ALK: variants seen among roughly 807,000 people sequenced by gnomAD.
ALK encodes the protein ALK receptor tyrosine kinase, also known as ALK tyrosine kinase receptor.
A neutral mutation model predicts 163.1 loss-of-function variants in ALK; 74 were observed. The ratio of observed to expected loss-of-function variants is 0.45; its 90% CI spans 0.38 to 0.55. ALK has a LOEUF of 0.55. Ranked by LOEUF, ALK falls within the 20% of genes least tolerant of loss-of-function variation. ALK has a pLI of 0.00. For missense variants in ALK, 2,063 were observed against 2,105.3 expected (o/e 0.98, Z 0.39); for synonymous variants, 960 against 843.2 (o/e 1.14, Z -2.40).
chr2:29,759,385 T>C (rs13427796), intron 1 of ALK, among the ~76,000 whole-genome samples: 2,715 of 152,252 alleles, frequency 0.018, 97 homozygotes, highest in African/African-American at 0.062. Context: ...CTAAGGAAGT[T>C]TGAGAGAAAT....
At chr2:29,671,297 G>T (rs901092254) in intron 3 of ALK, among the ~76,000 whole-genome samples, 1 of 152,076 alleles carries the variant, frequency 6.6e-6, no homozygotes, top group African/African-American at 2.4e-5. Flanking sequence ...ACCCAGTAGT[G>T]TGGGAAGGCT....
Position 29,219,073 on chromosome 2 carries a change from G to A in ALK, c.3645+1633C>T, listed in dbSNP as rs538684523. On this transcript the variant is annotated intron_variant, in intron 23 of 28. Transcript: ENST00000389048. ...TTCCTGTGTGGCCATGGCAAGTCCCGTAATCTCTCTGGGCCACCGTTTTCT... is the reference window on the plus strand; with the variant it reads ...TTCCTGTGTGGCCATGGCAAGTCCCATAATCTCTCTGGGCCACCGTTTTCT... Among the ~76,000 whole-genome samples, 4 of 152,308 alleles carry A rather than the reference G, an allele frequency of 2.6e-5. No homozygotes were observed. The East Asian group carries it at 5.8e-4, about 22-fold the overall frequency.
chr2:29,523,345 C>T (rs1161991592), intron 4 of ALK, among the ~76,000 whole-genome samples: 1 of 152,178 alleles, frequency 6.6e-6, no homozygotes, highest in African/African-American at 2.4e-5. Flanking sequence ...GCACCCATTA[C>T]ACCCCTTTCC....
At chr2:29,279,703 T>C (rs13399141) in intron 9 of ALK, among the ~76,000 whole-genome samples, 17,562 of 152,244 alleles carry the variant, frequency 0.12, 1,117 homozygotes, top group African/African-American at 0.16. Context: ...CACCGCTTAC[T>C]GTCTCCTTGC....
Position 29,209,766 on chromosome 2 carries a change from G to T in ALK, c.3836+20C>A. 1 of 1,598,826 alleles carries T rather than the reference G, an allele frequency of 6.3e-7. No individual in the cohort carries two copies. The highest frequency in any genetic ancestry group is 8.6e-7 in the Non-Finnish European group (1 of 1,166,330). On this transcript the variant is annotated intron_variant, in intron 25 of 28. Transcript: ENST00000389048. Reference sequence around the variant, plus strand: ...AGGTGGAAGAGACAGGCCCGGAGGGGTGAGGCAGTCTTTACTCACCTGTAG... The same window carrying T: ...AGGTGGAAGAGACAGGCCCGGAGGGTTGAGGCAGTCTTTACTCACCTGTAG...
chr2:29,773,513 T>C lies in ALK; in HGVS notation c.668-55816A>G, dbSNP rs138396792. On this transcript the variant is annotated intron_variant, in intron 1 of 28. Coordinates refer to ENST00000389048, the MANE Select transcript of ALK (RefSeq NM_004304.5). ...TCGACTGACTTCAGTTTTGGTGAGT[T>C]TCCTCCAAGGACACTGGCACTGATG... is the stretch of plus-strand genomic sequence containing the variant. 1.1e-3 allele frequency among the ~76,000 whole-genome samples: 173 copies of C among 152,316 alleles called. 1 individual carries two copies. Among genetic ancestry groups the C allele is most frequent in the African/African-American group, 4.1e-3 (172 of 41,562 alleles).
At chr2:29,572,893 T>G (rs1573467048) in intron 3 of ALK, among the ~76,000 whole-genome samples, 1 of 152,264 alleles carries the variant, frequency 6.6e-6, no homozygotes. Context: ...ACAGCGGGAT[T>G]GTGGTGGTCC....
At chr2:29,408,578 T>A (rs753245912) in intron 4 of ALK, among the ~76,000 whole-genome samples, 12 of 152,228 alleles carry the variant, frequency 7.9e-5, no homozygotes, top group Non-Finnish European at 1.8e-4. Flanking sequence ...GCATATATTA[T>A]AGGGACTTAT....
intron 1 of ALK, among the ~76,000 whole-genome samples, chr2:29,723,635 C>T (rs1188304157): frequency 6.6e-6 from 1 of 152,202 alleles, no homozygotes; most frequent in Non-Finnish European, 1.5e-5. Context: ...TAAGCACACA[C>T]TCTGCCAAAC....
chr2:29,653,765 A>T (rs1214662181), intron 3 of ALK, among the ~76,000 whole-genome samples: 2 of 152,122 alleles, frequency 1.3e-5, no homozygotes. Flanking sequence ...AAAAAGTAGT[A>T]AAAATCATAT....
chr2:29,251,621 A>G (rs1014761631), intron 11 of ALK, among the ~76,000 whole-genome samples: 2 of 152,206 alleles, frequency 1.3e-5, no homozygotes, highest in African/African-American at 4.8e-5. Context: ...CAGGAAGGGG[A>G]GAAGGCCCCT....
intron 9 of ALK, among the ~76,000 whole-genome samples, chr2:29,296,119 G>A (rs980915088): frequency 1.3e-5 from 2 of 152,322 alleles, no homozygotes; most frequent in African/African-American, 2.4e-5. Context: ...GCAGAGCCAC[G>A]TGGAGTTAAT....
intron 26 of ALK, among the ~76,000 whole-genome samples, chr2:29,200,753 G>GTA (rs60268111): frequency 0.39 from 26,694 of 68,400 alleles, 4,478 homozygotes; most frequent in East Asian, 0.74. Flanking sequence ...ATATATATAC[G>GTA]TATATATGTA....
chr2:29,200,185 TTGG>T (rs1416625496), intron 26 of ALK, among the ~76,000 whole-genome samples: 9 of 152,172 alleles, frequency 5.9e-5, no homozygotes, highest in Admixed American at 5.9e-4. Flanking sequence ...TCCTTTCTGT[TTGG>T]TGATCTTACT....
chr2:29,413,255 G>T (rs1397041238), intron 4 of ALK, among the ~76,000 whole-genome samples: 2 of 152,164 alleles, frequency 1.3e-5, no homozygotes, highest in Non-Finnish European at 2.9e-5. Flanking sequence ...GGGGTAACAT[G>T]GCGTATGTTT....
chr2:29,590,669 C>T (rs1382727156), intron 3 of ALK, among the ~76,000 whole-genome samples: 1 of 152,060 alleles, frequency 6.6e-6, no homozygotes, highest in East Asian at 1.9e-4. Flanking sequence ...GTGATGTTTC[C>T]TCCTTGGAAT....
rs186142300 is a variant in ALK, at chr2:29,241,175, T to C, written c.2205-1345A>G. 9.9e-5 allele frequency among the ~76,000 whole-genome samples: 15 copies of C among 152,196 alleles called. No homozygotes were observed. The East Asian group carries it at 2.9e-3, about 30-fold the overall frequency. Reference sequence around the variant, plus strand: ...GGTGTAAGGCGTTGTGAACCTGAGATAGCTCCAGGCTCTTCAAGAGCTCAC... The same window carrying C: ...GGTGTAAGGCGTTGTGAACCTGAGACAGCTCCAGGCTCTTCAAGAGCTCAC... On this transcript the variant is annotated intron_variant, in intron 12 of 28. Coordinates refer to ENST00000389048, the MANE Select transcript of ALK (RefSeq NM_004304.5).
intron 1 of ALK, among the ~76,000 whole-genome samples, chr2:29,915,365 G>T (rs781503645): frequency 2.0e-5 from 3 of 152,142 alleles, no homozygotes; most frequent in Non-Finnish European, 4.4e-5. Flanking sequence ...GAACTAAGGC[G>T]CATGCCACAA....
At chr2:29,811,732 A>G (rs1664767130) in intron 1 of ALK, among the ~76,000 whole-genome samples, 1 of 152,212 alleles carries the variant, frequency 6.6e-6, no homozygotes, top group African/African-American at 2.4e-5. Context: ...CTGCTCCTCC[A>G]TTCCTGGCTC....
Sources: gnomAD v4.1 joint callset for allele counts (sites outside exome capture counted in the v4.1 genomes callset) on GRCh38, gnomAD v4.1.1 for gene constraint, MANE v1.5 for transcripts, NCBI Gene and HGNC (gene_info 2026-07-23, HGNC 2026-07-21) for gene names.